Variants in PPIP5K1 observed in about 807,000 individuals in gnomAD.
PPIP5K1 encodes inositol hexakisphosphate and diphosphoinositol-pentakisphosphate kinase 1.
In PPIP5K1, 6 loss-of-function variants were observed where a neutral mutation model predicts 27.7. The ratio of observed to expected loss-of-function variants is 0.22; its 90% CI spans 0.12 to 0.43. The LOEUF is 0.43. Among genes scored for constraint, PPIP5K1 ranks in the 20% least tolerant of loss-of-function variants. The probability of loss-of-function intolerance (pLI) is 1.00; values close to 1 mark genes in which losing one functional copy is unlikely to be tolerated. For synonymous variants in PPIP5K1, 145 were observed against 242.6 expected (o/e 0.60, Z 3.74); for missense variants, 394 against 635.4 (o/e 0.62, Z 4.08).
chr15:43,535,981 A>G (rs1348857321), intron 31 of PPIP5K1, among the ~76,000 whole-genome samples: 1 of 152,242 alleles, frequency 6.6e-6, no homozygotes, highest in Non-Finnish European at 1.5e-5. Flanking sequence ...TCTCATTTGA[A>G]TCTGATGTAC....
At chr15:43,550,423 G>C (rs529590011) in intron 30 of PPIP5K1, among the ~76,000 whole-genome samples, 3 of 152,286 alleles carry the variant, frequency 2.0e-5, no homozygotes, top group Admixed American at 2.0e-4. Flanking sequence ...TGGGAACACA[G>C]GCGTGAGCCA....
At chr15:43,537,706 AAGAGAG>A (rs1156583027) in intron 31 of PPIP5K1, among the ~76,000 whole-genome samples, 26 of 126,768 alleles carry the variant, frequency 2.1e-4, no homozygotes, top group South Asian at 5.1e-4. Context: ...AAAAAAAAAA[AAGAGAG>A]AGAGAGAGAG....
At chr15:43,567,412 CTG>C (rs1201823267) in intron 26 of PPIP5K1, among the ~76,000 whole-genome samples, 324 of 5,226 alleles carry the variant, frequency 0.062, no homozygotes, top group Admixed American at 0.081. Context: ...GCCACTGCGC[CTG>C]GCCAGATCTA....
intron 29 of PPIP5K1, among the ~76,000 whole-genome samples, chr15:43,559,150 C>A (rs1198927915): frequency 1.3e-5 from 2 of 152,172 alleles, no homozygotes; most frequent in Admixed American, 6.5e-5. Context: ...GCTAAGGCCT[C>A]AAGGTGAATC....
intron 31 of PPIP5K1, 98 bp from the exon 32 acceptor site, chr15:43,535,574 C>T: frequency 9.9e-7 from 1 of 1,011,016 alleles, no homozygotes; most frequent in Non-Finnish European, 1.4e-6. Context: ...GCCTATGCTA[C>T]TTATGTCTTG....
chr15:43,548,587 C>G (rs1321033154), intron 30 of PPIP5K1: 2 of 145,222 alleles, frequency 1.4e-5, no homozygotes, highest in Non-Finnish European at 3.0e-5. Context: ...GGGTTTCACT[C>G]TGTTGCCCAG....
In PPIP5K1 at chr15:43,540,861, C is replaced by CA. The variant is rs34085400; in HGVS notation, c.3557-1279dup. 4.1e-3 allele frequency among the ~76,000 whole-genome samples: 300 copies of CA among 73,318 alleles called. 1 individual carries two copies. The highest frequency in any genetic ancestry group is 8.7e-3 in the East Asian group (26 of 2,972). 48.1% of individuals were successfully genotyped at this position (73,318 alleles called of 152,430 possible). On this transcript the variant is annotated intron_variant, in intron 30 of 31. Coordinates refer to ENST00000420765, the MANE Select transcript of PPIP5K1 (RefSeq NM_001394395.1). ...TGGGCGACAGAGAGAGACTCTGTCTCAAAAAAAAAAAAAAAAAAAAGAGAA... is the reference window on the plus strand; with the variant it reads ...TGGGCGACAGAGAGAGACTCTGTCTCAAAAAAAAAAAAAAAAAAAAAGAGAA...
At chr15:43,540,911 T>G (rs1246537710) in intron 30 of PPIP5K1, among the ~76,000 whole-genome samples, 1 of 151,502 alleles carries the variant, frequency 6.6e-6, no homozygotes, top group Non-Finnish European at 1.5e-5. Flanking sequence ...ATAAAGAAAT[T>G]TTTCCAACAT....
At chr15:43,557,096 G>C (rs538328168) in intron 30 of PPIP5K1, among the ~76,000 whole-genome samples, 1 of 152,070 alleles carries the variant, frequency 6.6e-6, no homozygotes, top group Non-Finnish European at 1.5e-5. Context: ...TACAGTGTGG[G>C]TTCAATTTCA....
At chr15:43,558,001 C>T (rs1320731014) in intron 30 of PPIP5K1, among the ~76,000 whole-genome samples, 3 of 151,292 alleles carry the variant, frequency 2.0e-5, no homozygotes, top group Non-Finnish European at 4.4e-5. Flanking sequence ...GTGTATTTTT[C>T]AATGAAAACT....
At chr15:43,549,046 AAAAAAAAAAAATATATATATATAT>A (rs2081814053) in intron 30 of PPIP5K1, among the ~76,000 whole-genome samples, 1 of 84,640 alleles carries the variant, frequency 1.2e-5, no homozygotes, top group African/African-American at 7.8e-5. Flanking sequence ...AAAAAAAAAA[AAAAAAAAAAAATATATATATATAT>A]ATATATATAT....
chr15:43,535,668 T>G (rs1356277227), intron 31 of PPIP5K1, among the ~76,000 whole-genome samples, 192 bp from the exon 32 acceptor site: 1 of 152,212 alleles, frequency 6.6e-6, no homozygotes, highest in Non-Finnish European at 1.5e-5. Context: ...TGGCCTAATG[T>G]ATACTTTGAG....
intron 23 of PPIP5K1, among the ~76,000 whole-genome samples, chr15:43,572,433 CAAAAAAA>C (rs1192497589): frequency 2.7e-5 from 1 of 37,016 alleles, no homozygotes; most frequent in Non-Finnish European, 5.5e-5. Context: ...GACCTTGTCT[CAAAAAAA>C]AAAAAAAAAA....
chr15:43,544,781 C>A (rs1320625397), intron 30 of PPIP5K1, among the ~76,000 whole-genome samples: 2 of 152,114 alleles, frequency 1.3e-5, no homozygotes, highest in Non-Finnish European at 2.9e-5. Context: ...CCACAGTACT[C>A]CAGCCTAGGT....
Position 43,556,995 on chromosome 15 carries a change from T to C in PPIP5K1, c.3556+1800A>G, listed in dbSNP as rs531830853. 5.3e-5 allele frequency among the ~76,000 whole-genome samples: 8 copies of C among 152,374 alleles called. 1 individual carries two copies. The highest frequency in any genetic ancestry group is 1.9e-4 in the African/African-American group (8 of 41,584). ...GTTTTTTCTTACTTTTTGGTGTTTC[T>C]GTGGATGAACAAGCCCTTGGAGCTA... On this transcript the variant is annotated intron_variant, in intron 30 of 31. Coordinates refer to ENST00000420765, the MANE Select transcript of PPIP5K1 (RefSeq NM_001394395.1).
chr15:43,536,819 G>A (rs1472089042), intron 31 of PPIP5K1, among the ~76,000 whole-genome samples: 1 of 152,126 alleles, frequency 6.6e-6, no homozygotes. Flanking sequence ...TCGCCCTCTA[G>A]TACTTGACTA....
chr15:43,542,647 A>AGTGTGTGTGTGT lies in PPIP5K1; in HGVS notation c.3557-3076_3557-3065dup, dbSNP rs56361192. ...TTGTGGATTTTTATTATATATATTC[A>AGTGTGTGTGTGT]GTGTGTGTGTGTGTGTGTGTGTGTG... On this transcript the variant is annotated intron_variant, in intron 30 of 31. Transcript: ENST00000420765. Among the ~76,000 whole-genome samples the AGTGTGTGTGTGT allele has an allele frequency of 1.0e-3, 126 of 121,358 alleles. 1 individual carries two copies. Among genetic ancestry groups the AGTGTGTGTGTGT allele is most frequent in the Non-Finnish European group, 1.7e-3 (99 of 58,304 alleles). The allele number at this position is 121,358 out of a possible 152,430, so 79.6% of individuals were successfully genotyped here. A position where few individuals can be genotyped will look rare whatever the true frequency, so the allele number is the denominator to read the frequency against.
At chr15:43,538,434 T>A (rs2080198888) in intron 31 of PPIP5K1, among the ~76,000 whole-genome samples, 1 of 152,230 alleles carries the variant, frequency 6.6e-6, no homozygotes. Context: ...AAAAGCAGCA[T>A]CTCAACTTAA....
At chr15:43,540,466 G>A (rs1178358996) in intron 30 of PPIP5K1, among the ~76,000 whole-genome samples, 6 of 151,762 alleles carry the variant, frequency 4.0e-5, no homozygotes, top group African/African-American at 1.5e-4. Context: ...TAGGAGGCCG[G>A]GGCAGGCAGA....
Sources: gnomAD v4.1 joint callset for allele counts (sites outside exome capture counted in the v4.1 genomes callset) on GRCh38, gnomAD v4.1.1 for gene constraint, MANE v1.5 for transcripts, NCBI Gene and HGNC (gene_info 2026-07-23, HGNC 2026-07-21) for gene names.